The following FAM178B variants were observed in gnomAD, a reference collection of about 807,000 sequenced individuals.
The protein encoded by FAM178B is family with sequence similarity 178 member B.
A neutral mutation model predicts 91.7 loss-of-function variants in FAM178B; 82 were observed. That is an observed-to-expected ratio of 0.89 (90% CI 0.75 to 1.07). FAM178B has a LOEUF of 1.07. Ranked by LOEUF, FAM178B falls within the 50% of genes least tolerant of loss-of-function variation. The probability of loss-of-function intolerance (pLI) is 0.00; values close to 1 mark genes in which losing one functional copy is unlikely to be tolerated. For synonymous variants in FAM178B, 368 were observed against 359.4 expected (o/e 1.02, Z -0.27); for missense variants, 769 against 846.7 (o/e 0.91, Z 1.14).
chr2:96,895,968 G>C lies in FAM178B; in HGVS notation c.1651-1917C>G, dbSNP rs78249421. ...TCTCAGCCTAGTTTCTGATCCTTTT[G>C]GGAGGGGGGAGGAAGGTTCTGGGCG... is the stretch of plus-strand genomic sequence containing the variant. On this transcript the variant is annotated intron_variant, in intron 13 of 16. Transcript: ENST00000490605. Among the ~76,000 whole-genome samples the C allele has an allele frequency of 6.5e-3, 992 of 152,320 alleles. 9 individuals are homozygous for C. Among genetic ancestry groups the C allele is most frequent in the African/African-American group, 0.022 (924 of 41,572 alleles).
intron 14 of FAM178B, among the ~76,000 whole-genome samples, chr2:96,892,719 C>T (rs1306180221): frequency 4.6e-5 from 7 of 152,026 alleles, no homozygotes; most frequent in Admixed American, 6.5e-5. Context: ...CCAGACCAGA[C>T]GTGACACTCT....
At chr2:96,889,649 G>C (rs1295761311) in intron 14 of FAM178B, among the ~76,000 whole-genome samples, 1 of 151,214 alleles carries the variant, frequency 6.6e-6, no homozygotes, top group Non-Finnish European at 1.5e-5. Flanking sequence ...TTGCACTCCA[G>C]CCTGGGTGAC....
chr2:96,888,779 C>G (rs772125428), intron 14 of FAM178B, among the ~76,000 whole-genome samples: 4 of 152,206 alleles, frequency 2.6e-5, no homozygotes, highest in Admixed American at 2.0e-4. Context: ...GAGGCCACAC[C>G]CTCTGCAGAA....
At chr2:96,976,493 T>C (rs538500430) in intron 1 of FAM178B, among the ~76,000 whole-genome samples, 4 of 152,022 alleles carry the variant, frequency 2.6e-5, no homozygotes, top group Admixed American at 6.5e-5. Context: ...TGAAAACAAA[T>C]ATCCATACAA....
intron 14 of FAM178B, among the ~76,000 whole-genome samples, chr2:96,889,526 A>C (rs2153368119): frequency 6.6e-6 from 1 of 151,738 alleles, no homozygotes; most frequent in East Asian, 2.0e-4. Flanking sequence ...AAAAATACAA[A>C]AATTAGCCGG....
chr2:96,888,999 G>A (rs2080598426), intron 14 of FAM178B, among the ~76,000 whole-genome samples: 1 of 152,324 alleles, frequency 6.6e-6, no homozygotes, highest in African/African-American at 2.4e-5. Context: ...TGTGCACCTC[G>A]AGAAAGCTGA....
intron 12 of FAM178B, among the ~76,000 whole-genome samples, chr2:96,913,889 G>C (rs1161616061): frequency 6.6e-6 from 1 of 152,212 alleles, no homozygotes; most frequent in African/African-American, 2.4e-5. Flanking sequence ...GAACAAAGGA[G>C]TGCCTGACTC....
intron 6 of FAM178B, among the ~76,000 whole-genome samples, chr2:96,959,060 A>T (rs151327731): frequency 0.021 from 3,141 of 151,838 alleles, 98 homozygotes; most frequent in African/African-American, 0.065. Flanking sequence ...TTAGCCAGGC[A>T]TGGTGGCAGG....
intron 14 of FAM178B, among the ~76,000 whole-genome samples, chr2:96,880,813 C>G (rs1186583464): frequency 6.6e-6 from 1 of 152,200 alleles, no homozygotes; most frequent in Non-Finnish European, 1.5e-5. Context: ...CCAGGATGGC[C>G]TCGATCTCCT....
At position 96,954,464 on chromosome 2, in the gene FAM178B, C is replaced by T. The variant is rs563487126; in HGVS notation, c.888-2980G>A. Among the ~76,000 whole-genome samples, 22 of 152,360 alleles carry T rather than the reference C, an allele frequency of 1.4e-4. No homozygotes were observed. The East Asian group carries it at 4.2e-3, about 29-fold the overall frequency. On this transcript the variant is annotated intron_variant, in intron 6 of 16. Transcript: ENST00000490605. ...GGGCCTTCCTAAGCAGAGCTCTGAC[C>T]AGCTTCATCTTGGAATTTCTGTTCC...
chr2:96,903,140 C>T (rs1349387889), intron 12 of FAM178B, among the ~76,000 whole-genome samples: 8 of 152,156 alleles, frequency 5.3e-5, no homozygotes, highest in Admixed American at 5.2e-4. Flanking sequence ...CCCGGGTTCA[C>T]ACCATTCTCC....
chr2:96,918,025 A>G (rs1053771492), intron 12 of FAM178B, among the ~76,000 whole-genome samples: 2 of 151,978 alleles, frequency 1.3e-5, no homozygotes, highest in African/African-American at 4.8e-5. Flanking sequence ...AAGAAAGCAC[A>G]CTATCTTTAT....
At chr2:96,917,341 C>A (rs1434367558) in intron 12 of FAM178B, among the ~76,000 whole-genome samples, 1 of 152,234 alleles carries the variant, frequency 6.6e-6, no homozygotes, top group East Asian at 1.9e-4. Context: ...CATCACCCTG[C>A]TGACGTGGCT....
intron 14 of FAM178B, among the ~76,000 whole-genome samples, chr2:96,887,978 C>T (rs537956185): frequency 3.3e-5 from 5 of 152,078 alleles, no homozygotes; most frequent in Admixed American, 6.5e-5. Flanking sequence ...AGCCTGCCTC[C>T]GCAGCTTAAC....
intron 8 of FAM178B, 109 bp from the exon 9 acceptor site, chr2:96,929,429 T>TG: frequency 1.3e-6 from 1 of 749,982 alleles, no homozygotes; most frequent in Non-Finnish European, 2.3e-6. Context: ...AACCAGTTTT[T>TG]GCCTTCTCTG....
intron 12 of FAM178B, among the ~76,000 whole-genome samples, chr2:96,919,437 C>A: frequency 6.6e-6 from 1 of 152,138 alleles, no homozygotes; most frequent in East Asian, 1.9e-4. Context: ...CCTCTGCCAC[C>A]CTCCAGGTGA....
intron 14 of FAM178B, among the ~76,000 whole-genome samples, chr2:96,879,394 C>T (rs1357351602): frequency 6.6e-6 from 1 of 152,186 alleles, no homozygotes; most frequent in African/African-American, 2.4e-5. Flanking sequence ...CCCACGGCCC[C>T]TGTGCCCCAG....
chr2:96,954,289 C>G (rs1250978125), intron 6 of FAM178B, among the ~76,000 whole-genome samples: 1 of 152,220 alleles, frequency 6.6e-6, no homozygotes, highest in African/African-American at 2.4e-5. Context: ...GCTGCTAATC[C>G]CCAGCCATGA....
rs1349422059 is a variant in FAM178B, at chr2:96,964,611, A to G, written c.734+2909T>C. ...ATTCCCCGCTCCCTTGGTCACTACC[A>G]TTGGCCTACAGACGTGCTGTTACTC... On this transcript the variant is annotated intron_variant, in intron 5 of 16. Coordinates refer to ENST00000490605, the MANE Select transcript of FAM178B (RefSeq NM_001122646.3). Among the ~76,000 whole-genome samples, 2 of 143,486 alleles carry G rather than the reference A, an allele frequency of 1.4e-5. 1 individual carries two copies. Among genetic ancestry groups the G allele is most frequent in the East Asian group, 3.9e-4 (2 of 5,068 alleles). The allele number at this position is 143,486 out of a possible 152,430, so 94.1% of individuals were successfully genotyped here. A position where few individuals can be genotyped will look rare whatever the true frequency, so the allele number is the denominator to read the frequency against.
Sources: allele counts gnomAD v4.1 joint callset (sites outside exome capture counted in the v4.1 genomes callset), GRCh38; gene constraint gnomAD v4.1.1; transcripts MANE v1.5; gene names NCBI Gene and HGNC (gene_info 2026-07-23, HGNC 2026-07-21).